Variants in NKAIN2 observed in about 807,000 individuals in gnomAD.
The protein encoded by NKAIN2 is sodium/potassium transporting ATPase interacting 2.
A neutral mutation model predicts 32.6 loss-of-function variants in NKAIN2; 14 were observed. The ratio of observed to expected loss-of-function variants is 0.43; its 90% CI spans 0.28 to 0.67. NKAIN2 has a LOEUF of 0.67. Ranked by LOEUF, NKAIN2 falls within the 30% of genes least tolerant of loss-of-function variation. The pLI is 0.17. For synonymous variants in NKAIN2, 80 were observed against 87.2 expected (o/e 0.92, Z 0.46); for missense variants, 198 against 258.3 (o/e 0.77, Z 1.60).
chr6:124,727,334 G>T (rs1776380338), intron 4 of NKAIN2, among the ~76,000 whole-genome samples: 1 of 152,148 alleles, frequency 6.6e-6, no homozygotes, highest in African/African-American at 2.4e-5. Context: ...TCAAAGGGAA[G>T]CCCATCAGAC....
chr6:124,080,193 T>C (rs1783893333), intron 1 of NKAIN2, among the ~76,000 whole-genome samples: 1 of 152,134 alleles, frequency 6.6e-6, no homozygotes, highest in African/African-American at 2.4e-5. Flanking sequence ...TAGGCTAATA[T>C]ATTTTCCCAT....
intron 1 of NKAIN2, among the ~76,000 whole-genome samples, chr6:124,236,949 A>C (rs1052037068): frequency 6.6e-6 from 1 of 152,212 alleles, no homozygotes; most frequent in South Asian, 2.1e-4. Context: ...AATGTAAAAA[A>C]AGGAACATAT....
chr6:123,807,530 T>C (rs966633412), intron 1 of NKAIN2, among the ~76,000 whole-genome samples: 1 of 152,144 alleles, frequency 6.6e-6, no homozygotes, highest in Admixed American at 6.5e-5. Context: ...TAACTTCTTA[T>C]TTACTATTTG....
intron 1 of NKAIN2, among the ~76,000 whole-genome samples, chr6:123,855,526 G>A (rs1775524785): frequency 6.6e-6 from 1 of 152,294 alleles, no homozygotes; most frequent in South Asian, 2.1e-4. Context: ...GATTCTTTGT[G>A]GTTGGGTGTC....
At chr6:123,911,824 C>G (rs868066554) in intron 1 of NKAIN2, among the ~76,000 whole-genome samples, 2 of 68,704 alleles carry the variant, frequency 2.9e-5, no homozygotes, top group Admixed American at 3.9e-4. Context: ...CACACACACA[C>G]ACACACACAC....
At chr6:124,098,265 T>C (rs1350425492) in intron 1 of NKAIN2, among the ~76,000 whole-genome samples, 1 of 152,194 alleles carries the variant, frequency 6.6e-6, no homozygotes, top group African/African-American at 2.4e-5. Flanking sequence ...AGCATGATTT[T>C]CCACATGACT....
intron 4 of NKAIN2, among the ~76,000 whole-genome samples, chr6:124,661,023 A>T (rs1484463768): frequency 1.3e-5 from 2 of 152,158 alleles, no homozygotes; most frequent in African/African-American, 4.8e-5. Flanking sequence ...ATGTTCCATT[A>T]AATCAGTCTA....
chr6:124,071,292 C>T (rs1023987706), intron 1 of NKAIN2, among the ~76,000 whole-genome samples: 3 of 152,086 alleles, frequency 2.0e-5, no homozygotes, highest in African/African-American at 7.2e-5. Flanking sequence ...AAAGTGAACT[C>T]ATGCTTTTCA....
chr6:124,289,994 T>C (rs1474282357), intron 2 of NKAIN2, among the ~76,000 whole-genome samples: 1 of 152,026 alleles, frequency 6.6e-6, no homozygotes, highest in Non-Finnish European at 1.5e-5. Context: ...ATACTTCTAA[T>C]GACTTTAGAG....
At chr6:124,191,036 T>C (rs1314350701) in intron 1 of NKAIN2, among the ~76,000 whole-genome samples, 1 of 152,180 alleles carries the variant, frequency 6.6e-6, no homozygotes, top group African/African-American at 2.4e-5. Context: ...TCAAAGTCCG[T>C]GGTTTATGTG....
intron 3 of NKAIN2, among the ~76,000 whole-genome samples, chr6:124,358,596 A>G (rs1372615840): frequency 6.6e-6 from 1 of 152,154 alleles, no homozygotes; most frequent in Non-Finnish European, 1.5e-5. Flanking sequence ...GTCTGTTTAT[A>G]TCCTTCACCC....
intron 3 of NKAIN2, among the ~76,000 whole-genome samples, chr6:124,452,901 A>G (rs1776165719): frequency 6.6e-6 from 1 of 152,094 alleles, no homozygotes; most frequent in Admixed American, 6.6e-5. Context: ...GTTACATCTA[A>G]CCCAAGGTTT....
At chr6:124,761,638 A>C (rs944272333) in intron 4 of NKAIN2, among the ~76,000 whole-genome samples, 5 of 152,136 alleles carry the variant, frequency 3.3e-5, no homozygotes, top group African/African-American at 1.2e-4. Flanking sequence ...GCTTTCAAAC[A>C]TTTTACCCCT....
intron 5 of NKAIN2, among the ~76,000 whole-genome samples, chr6:124,816,034 T>A (rs1260112432): frequency 6.6e-6 from 1 of 152,194 alleles, no homozygotes; most frequent in Non-Finnish European, 1.5e-5. Context: ...GGGTCTCTGT[T>A]TTTGTCATTA....
intron 3 of NKAIN2, among the ~76,000 whole-genome samples, chr6:124,602,544 TG>T (rs1285540017): frequency 6.6e-6 from 1 of 151,564 alleles, no homozygotes; most frequent in Non-Finnish European, 1.5e-5. Flanking sequence ...AAATTGTGGA[TG>T]GGGGGACAAA....
chr6:124,249,184 C>A (rs1793566899), intron 1 of NKAIN2, among the ~76,000 whole-genome samples: 1 of 152,088 alleles, frequency 6.6e-6, no homozygotes, highest in African/African-American at 2.4e-5. Flanking sequence ...AGCCACAATA[C>A]CTCTTTCAAT....
chr6:124,224,795 C>G (rs994601040), intron 1 of NKAIN2, among the ~76,000 whole-genome samples: 5 of 152,078 alleles, frequency 3.3e-5, no homozygotes, highest in Non-Finnish European at 7.4e-5. Flanking sequence ...TAAAATTCCA[C>G]AGACCTTGAA....
At chr6:124,543,228 A>G (rs1249803955) in intron 3 of NKAIN2, among the ~76,000 whole-genome samples, 1 of 152,206 alleles carries the variant, frequency 6.6e-6, no homozygotes, top group Non-Finnish European at 1.5e-5. Flanking sequence ...TGTCATCTTA[A>G]TCAAAATTTG....
intron 1 of NKAIN2, among the ~76,000 whole-genome samples, chr6:124,122,556 A>G (rs1232274505): frequency 6.6e-6 from 1 of 152,152 alleles, no homozygotes; most frequent in East Asian, 1.9e-4. Context: ...ATTTTGTGAT[A>G]CTGTATTACC....
Sources: gnomAD v4.1 joint callset for allele counts (sites outside exome capture counted in the v4.1 genomes callset) on GRCh38, gnomAD v4.1.1 for gene constraint, MANE v1.5 for transcripts, NCBI Gene and HGNC (gene_info 2026-07-23, HGNC 2026-07-21) for gene names.